ABCA12: variants seen among roughly 807,000 people sequenced by gnomAD.
ABCA12 encodes ATP binding cassette subfamily A member 12.
A neutral mutation model predicts 293.5 loss-of-function variants in ABCA12; 156 were observed. The observed-to-expected ratio is 0.53, with a 90% CI of 0.47 to 0.61. The LOEUF is 0.61. Among genes scored for constraint, ABCA12 ranks in the 20% least tolerant of loss-of-function variants. The pLI is 0.00. For synonymous variants in ABCA12, 1,063 were observed against 1,108.0 expected (o/e 0.96, Z 0.81); for missense variants, 2,797 against 3,090.2 (o/e 0.91, Z 2.25).
rs1017470747 is a variant in ABCA12, at chr2:214,937,120, G to A, written c.7542+390C>T. 3.9e-5 allele frequency among the ~76,000 whole-genome samples: 6 copies of A among 152,216 alleles called. No homozygotes were observed. In the East Asian group the frequency reaches 5.8e-4, roughly 15 times the overall value. On this transcript the variant is annotated intron_variant, in intron 51 of 52. Coordinates refer to ENST00000272895, the MANE Select transcript of ABCA12 (RefSeq NM_173076.3). The stretch of plus-strand genomic sequence containing the variant: ...AGTCAACTTGGAAATCACAAATGTC[G>A]CTATGACATTACCATCAAAACTAGT...
intron 28 of ABCA12, 128 bp downstream of exon 28, chr2:214,986,414 A>T (rs1245417065): frequency 8.0e-6 from 8 of 995,010 alleles, no homozygotes; most frequent in Non-Finnish European, 1.2e-5. Context: ...ATACAAGTTG[A>T]ACCATCTTCC....
rs1281321207 is a variant in ABCA12, at chr2:214,934,186, A to G, written c.7572T>C (p.His2524=). ...CGACTCCTCCTGCTGTGACTGGTAC[A>G]TGATACTCTAGCATGCTGAGGTGCT... The part of the protein sequence containing the change: ...KDQHLSMLEY[H]VPVTAGGVAN... Residue 2524 remains histidine (H), a synonymous_variant, in exon 52 of 53, where the codon CAT becomes CAC. Transcript: ENST00000272895. The G allele has an allele frequency of 9.3e-6, 15 of 1,613,804 alleles. No homozygotes were observed. In the East Asian group the frequency reaches 1.3e-4, roughly 14 times the overall value.
At chr2:215,049,870 A>G in intron 5 of ABCA12, 59 bp from the exon 6 acceptor site, 3 of 1,483,218 alleles carry the variant, frequency 2.0e-6, no homozygotes, top group Non-Finnish European at 2.8e-6. Context: ...ATGTTCAAAT[A>G]TTCTATTCTT....
rs373947344 is a variant in ABCA12, at chr2:215,019,522, G to C, written c.1544+18C>G. Reference sequence around the variant, plus strand: ...TGAAAGAGATTTCACCAAGGAAGAAGACAATGGAAAAACTTACTGATCCAT... The same window carrying C: ...TGAAAGAGATTTCACCAAGGAAGAACACAATGGAAAAACTTACTGATCCAT... On this transcript the variant is annotated intron_variant, in intron 12 of 52. Coordinates refer to ENST00000272895, the MANE Select transcript of ABCA12 (RefSeq NM_173076.3). The C allele has an allele frequency of 1.7e-4, 268 of 1,614,016 alleles. No homozygotes were observed. Among genetic ancestry groups the C allele is most frequent in the Non-Finnish European group, 1.8e-4 (218 of 1,179,976 alleles).
At chr2:215,002,142 C>G (rs901841488) in intron 20 of ABCA12, among the ~76,000 whole-genome samples, 5 of 152,050 alleles carry the variant, frequency 3.3e-5, no homozygotes, top group African/African-American at 1.2e-4. Context: ...TGTGAATGCA[C>G]AAACTGAAAC....
At chr2:215,060,126 T>C (rs1006755347) in intron 3 of ABCA12, among the ~76,000 whole-genome samples, 1 of 152,100 alleles carries the variant, frequency 6.6e-6, no homozygotes, top group Non-Finnish European at 1.5e-5. Flanking sequence ...CTATTCACCA[T>C]TTGTTGTCTA....
chr2:215,031,725 G>C, intron 9 of ABCA12, 96 bp downstream of exon 9: 1 of 1,460,764 alleles, frequency 6.8e-7, no homozygotes, highest in Non-Finnish European at 9.5e-7. Context: ...TCTATTCCAT[G>C]CTTATATACA....
At chr2:215,027,067 G>T in intron 9 of ABCA12, 129 bp from the exon 10 acceptor site, 1 of 687,594 alleles carries the variant, frequency 1.5e-6, no homozygotes, top group Non-Finnish European at 2.6e-6. Flanking sequence ...GCAGTTGGCC[G>T]GGCGCGGTGG....
intron 2 of ABCA12, among the ~76,000 whole-genome samples, chr2:215,098,215 T>C (rs984699640): frequency 6.6e-6 from 1 of 152,166 alleles, no homozygotes; most frequent in African/African-American, 2.4e-5. Flanking sequence ...ATGGGAGGAA[T>C]TCCAGCTGAT....
At position 214,937,447 on chromosome 2, in the gene ABCA12, C is replaced by T. The variant is rs896748253; in HGVS notation, c.7542+63G>A. Reference sequence around the variant, plus strand: ...CTCCTGACCTCAAGTGATTGCCCGCCTCGGACTCCCAAAGTGCTGGGATTA... The same window carrying T: ...CTCCTGACCTCAAGTGATTGCCCGCTTCGGACTCCCAAAGTGCTGGGATTA... On this transcript the variant is annotated intron_variant, in intron 51 of 52. Coordinates refer to ENST00000272895, the MANE Select transcript of ABCA12 (RefSeq NM_173076.3). The T allele has an allele frequency of 6.7e-6, 9 of 1,350,648 alleles. No individual in the cohort carries two copies. The African/African-American group carries it at 8.6e-5, about 13-fold the overall frequency. 83.7% of individuals were successfully genotyped at this position (1,350,648 alleles called of 1,614,324 possible).
intron 18 of ABCA12, among the ~76,000 whole-genome samples, chr2:215,008,759 G>A (rs1700307334): frequency 6.6e-6 from 1 of 151,780 alleles, no homozygotes; most frequent in South Asian, 2.1e-4. Flanking sequence ...AAGAGAAGAG[G>A]AAAAGGGGAG....
Position 214,983,741 on chromosome 2 carries a change from A to G in ABCA12, c.4288T>C (p.Phe1430Leu), listed in dbSNP as rs1353030443. The change falls in exon 29 of 53, where the codon TTC becomes CTC. Residue 1430 changes from phenylalanine to leucine, a missense_variant. Coordinates refer to ENST00000272895, the MANE Select transcript of ABCA12 (RefSeq NM_173076.3). ...MGVCMQHDVL[F>L]SYLTTKEHLL... Reference sequence around the variant, plus strand: ...TGCTCCTTAGTAGTGAGGTAACTGAACAAGACGTCGTGCTGCATACAGACT... The same window carrying G: ...TGCTCCTTAGTAGTGAGGTAACTGAGCAAGACGTCGTGCTGCATACAGACT... The G allele has an allele frequency of 6.2e-7, 1 of 1,614,088 alleles. No individual in the cohort carries two copies. The highest frequency in any genetic ancestry group is 8.5e-7 in the Non-Finnish European group (1 of 1,180,002).
At position 215,117,094 on chromosome 2, in the gene ABCA12, T is replaced by C. The variant is rs193045179; in HGVS notation, c.70-5404A>G. ...GTATCTGGGGGTAATGGAGCACCAA[T>C]TTCAAATTGTTCTAGAAAAGAAGTT... On this transcript the variant is annotated intron_variant, in intron 1 of 52. Transcript: ENST00000272895. Among the ~76,000 whole-genome samples the C allele has an allele frequency of 2.9e-3, 446 of 152,342 alleles. 2 individuals carry two copies. Among genetic ancestry groups the C allele is most frequent in the African/African-American group, 0.01 (429 of 41,594 alleles).
At chr2:215,095,041 T>C (rs1386334821) in intron 2 of ABCA12, among the ~76,000 whole-genome samples, 1 of 152,188 alleles carries the variant, frequency 6.6e-6, no homozygotes, top group African/African-American at 2.4e-5. Flanking sequence ...GACCGAACAG[T>C]GCCCTGTCCC....
In ABCA12 at chr2:214,990,848, C is replaced by T. The variant is rs200630384; in HGVS notation, c.3478G>A (p.Ala1160Thr). 4 of 1,613,990 alleles carry T rather than the reference C, an allele frequency of 2.5e-6. No individual in the cohort carries two copies. In the South Asian group the frequency reaches 3.3e-5, roughly 13 times the overall value. The stretch of plus-strand genomic sequence containing the variant: ...AAGACACTGATAAGATAGCTCATGG[C>T]AATAACCGAGAAGCTGTAGTCCGAA... ...YFSDYSFSVI[A>T]MSYLISVFFN... Residue 1160 changes from alanine to threonine, a missense_variant, in exon 24 of 53, where the codon GCC becomes ACC. By Grantham distance (58) the Ala-to-Thr change is moderately conservative. Around this residue, in one of 3 missense-constraint regions of ABCA12, gnomAD observed 2,130 missense variants for 2,427.0 expected, o/e 0.88. Transcript: ENST00000272895.
At chr2:214,940,460 A>G (rs1304876296) in intron 50 of ABCA12, among the ~76,000 whole-genome samples, 1 of 152,156 alleles carries the variant, frequency 6.6e-6, no homozygotes, top group Non-Finnish European at 1.5e-5. Context: ...GTTTGGTATC[A>G]GGATGATGCT....
In ABCA12 at chr2:215,084,750, A is replaced by G. The variant is rs529143071; in HGVS notation, c.164-20531T>C. ...ACTGGCAAAGTTTTATATGTATGCC[A>G]TACCATATATACACCTGTCACAATA... On this transcript the variant is annotated intron_variant, in intron 2 of 52. Coordinates refer to ENST00000272895, the MANE Select transcript of ABCA12 (RefSeq NM_173076.3). 5.3e-5 allele frequency among the ~76,000 whole-genome samples: 8 copies of G among 152,328 alleles called. No homozygotes were observed. The South Asian group carries it at 8.3e-4, about 16-fold the overall frequency.
At chr2:214,959,224 T>A in intron 39 of ABCA12, 146 bp from the exon 40 acceptor site, 1 of 735,464 alleles carries the variant, frequency 1.4e-6, no homozygotes. Flanking sequence ...AAAGGAAAAT[T>A]ATTTTTCCCC....
In ABCA12 at chr2:214,987,655, G is replaced by A. The variant is rs1699815998; in HGVS notation, c.3968C>T (p.Pro1323Leu). The A allele has an allele frequency of 1.9e-6, 3 of 1,612,740 alleles. No homozygotes were observed. The highest frequency in any genetic ancestry group is 2.5e-6 in the Non-Finnish European group (3 of 1,178,928). Residue 1323 changes from proline to leucine, a missense_variant, in exon 27 of 53, where the codon CCA (proline) becomes CTA (leucine). By Grantham distance (98) the Pro-to-Leu change is moderately conservative. Transcript: ENST00000272895. ...TGACCGACTTGTCTTACTGGCAGAT[G>A]GGTTGGTGTTCTGCATCATGATGTT... ...FTNIMMQNTN[P>L]SASPEYMFSS...
Sources: gnomAD v4.1 joint callset for allele counts (sites outside exome capture counted in the v4.1 genomes callset) on GRCh38, gnomAD v4.1.1 for gene constraint, gnomAD v4.1.1 regional missense constraint, MANE v1.5 for transcripts, NCBI Gene and HGNC (gene_info 2026-07-23, HGNC 2026-07-21) for gene names.